SGCZ: variants seen among roughly 807,000 people sequenced by gnomAD.
SGCZ encodes sarcoglycan zeta, also known as zeta-sarcoglycan.
In SGCZ, 40 loss-of-function variants were observed where a neutral mutation model predicts 41.3. That is an observed-to-expected ratio of 0.97 (90% confidence interval 0.75 to 1.26). SGCZ has a LOEUF of 1.26. SGCZ is among the 50% of genes most tolerant of loss of function. The pLI, the probability that SGCZ is intolerant of heterozygous loss-of-function variation, is 0.00. For missense variants in SGCZ, 552 were observed against 369.8 expected, an observed-to-expected ratio of 1.49 and a Z score of -4.04; for synonymous variants, 206 against 137.5, an observed-to-expected ratio of 1.50 and a Z score of -3.49.
intron 2 of SGCZ, among the ~76,000 whole-genome samples, chr8:14,350,405 A>G (rs1486151994): frequency 6.6e-6 from 1 of 152,110 alleles, no homozygotes; most frequent in Non-Finnish European, 1.5e-5. Flanking sequence ...GTTGTATTGA[A>G]TACTATGGTA....
intron 2 of SGCZ, among the ~76,000 whole-genome samples, chr8:14,431,023 A>T (rs1309026022): frequency 6.6e-6 from 1 of 152,194 alleles, no homozygotes; most frequent in Non-Finnish European, 1.5e-5. Context: ...ACTACAAAAC[A>T]CTGCTGAAAG....
intron 2 of SGCZ, among the ~76,000 whole-genome samples, chr8:14,530,958 G>A (rs1803111189): frequency 6.6e-6 from 1 of 152,076 alleles, no homozygotes; most frequent in Admixed American, 6.6e-5. Context: ...ATAGGAGGCA[G>A]ACAAGTTCCC....
chr8:14,394,140 C>CTG (rs112444671), intron 2 of SGCZ, among the ~76,000 whole-genome samples: 2 of 143,638 alleles, frequency 1.4e-5, no homozygotes, highest in Admixed American at 7.0e-5. Flanking sequence ...TACCGCCCCC[C>CTG]ACCTTTTTTT....
intron 1 of SGCZ, among the ~76,000 whole-genome samples, chr8:15,128,924 C>T (rs1807801612): frequency 6.6e-6 from 1 of 152,270 alleles, no homozygotes; most frequent in Middle Eastern, 3.4e-3. Flanking sequence ...GATCATACCA[C>T]CATTCCTCAC....
chr8:14,644,326 A>G (rs1807130188), intron 1 of SGCZ, among the ~76,000 whole-genome samples: 1 of 151,776 alleles, frequency 6.6e-6, no homozygotes, highest in East Asian at 1.9e-4. Context: ...GTTTCCCAGG[A>G]AAGAAGAAAT....
chr8:14,236,405 T>A (rs1413419458), intron 4 of SGCZ, among the ~76,000 whole-genome samples: 1 of 152,152 alleles, frequency 6.6e-6, no homozygotes, highest in African/African-American at 2.4e-5. Context: ...AGAAAATTCA[T>A]ATATGCTAAA....
intron 2 of SGCZ, among the ~76,000 whole-genome samples, chr8:14,547,332 C>G (rs1214165077): frequency 6.6e-6 from 1 of 152,118 alleles, no homozygotes; most frequent in Non-Finnish European, 1.5e-5. Context: ...AGGGTGCTGA[C>G]AGGTGACACA....
At chr8:15,192,684 C>T (rs911894331) in intron 1 of SGCZ, among the ~76,000 whole-genome samples, 2 of 152,048 alleles carry the variant, frequency 1.3e-5, no homozygotes, top group East Asian at 3.9e-4. Flanking sequence ...ACCTTCACAA[C>T]CATCAAGTTC....
At chr8:14,568,370 G>A (rs893976944) in intron 1 of SGCZ, among the ~76,000 whole-genome samples, 1 of 144,250 alleles carries the variant, frequency 6.9e-6, no homozygotes, top group Non-Finnish European at 1.5e-5. Context: ...TGCACATTCA[G>A]CACATGTATC....
intron 1 of SGCZ, among the ~76,000 whole-genome samples, chr8:14,944,767 A>G: frequency 6.6e-6 from 1 of 152,124 alleles, no homozygotes. Context: ...TCAACTTAAG[A>G]TGGGTTTATT....
At position 14,709,772 on chromosome 8, in the gene SGCZ, G is replaced by A. The variant is rs139858602; in HGVS notation, c.40-154846C>T. ...CATCCATTCTGGTACATTGCAAGAG[G>A]AGTATATGGGGCTATATTTAAATGT... On this transcript the variant is annotated intron_variant, in intron 1 of 7. Coordinates refer to ENST00000382080, the MANE Select transcript of SGCZ (RefSeq NM_139167.4). Among the ~76,000 whole-genome samples, 1,294 of 152,194 alleles carry A rather than the reference G, an allele frequency of 8.5e-3. 16 individuals are homozygous for A. The highest frequency in any genetic ancestry group is 0.031 in the Middle Eastern group (9 of 292).
At chr8:15,040,978 A>T (rs1432368759) in intron 1 of SGCZ, among the ~76,000 whole-genome samples, 3 of 152,124 alleles carry the variant, frequency 2.0e-5, no homozygotes, top group Non-Finnish European at 4.4e-5. Context: ...AATCGAACTA[A>T]ATGAAATGAT....
intron 2 of SGCZ, among the ~76,000 whole-genome samples, chr8:14,512,567 C>A (rs1284997460): frequency 2.6e-5 from 4 of 152,076 alleles, no homozygotes; most frequent in Non-Finnish European, 5.9e-5. Flanking sequence ...CTCAAGTGAT[C>A]TCCTGCCTCA....
chr8:14,395,033 T>C (rs890715539), intron 2 of SGCZ, among the ~76,000 whole-genome samples: 1 of 152,188 alleles, frequency 6.6e-6, no homozygotes, highest in East Asian at 1.9e-4. Context: ...AGTGATAATA[T>C]CTACCTCAGA....
intron 1 of SGCZ, among the ~76,000 whole-genome samples, chr8:15,070,087 T>C (rs1585532385): frequency 1.3e-5 from 2 of 152,310 alleles, no homozygotes; most frequent in East Asian, 3.9e-4. Context: ...TGAAACATTT[T>C]CCTTCTTGTG....
chr8:14,788,171 C>T (rs975307467), intron 1 of SGCZ, among the ~76,000 whole-genome samples: 1 of 152,070 alleles, frequency 6.6e-6, no homozygotes, highest in Non-Finnish European at 1.5e-5. Context: ...TTTTTCCTTT[C>T]CCTGGGGATA....
intron 1 of SGCZ, among the ~76,000 whole-genome samples, chr8:14,668,103 C>T (rs1807975617): frequency 6.6e-6 from 1 of 151,974 alleles, no homozygotes; most frequent in Admixed American, 6.6e-5. Context: ...ATTACAGGCA[C>T]CCCCGCCACC....
At chr8:14,360,057 A>C (rs529050645) in intron 2 of SGCZ, among the ~76,000 whole-genome samples, 1 of 152,186 alleles carries the variant, frequency 6.6e-6, no homozygotes, top group Non-Finnish European at 1.5e-5. Flanking sequence ...GATAAAATTC[A>C]AGATACTTTC....
At chr8:14,359,174 A>C (rs1803412214) in intron 2 of SGCZ, among the ~76,000 whole-genome samples, 1 of 152,168 alleles carries the variant, frequency 6.6e-6, no homozygotes, top group Admixed American at 6.5e-5. Context: ...GAGTACGTGA[A>C]GATAATTTAT....
Sources: allele counts gnomAD v4.1 joint callset (sites outside exome capture counted in the v4.1 genomes callset), GRCh38; gene constraint gnomAD v4.1.1; transcripts MANE v1.5; gene names NCBI Gene and HGNC (gene_info 2026-07-23, HGNC 2026-07-21).